Variants in GPC6 observed in about 807,000 individuals in gnomAD.
GPC6 encodes glypican-6.
Under a neutral mutation model 55.2 loss-of-function variants are expected in GPC6, and 14 were observed. That is an observed-to-expected ratio of 0.25 (90% CI 0.17 to 0.40). The LOEUF is 0.40. Ranked by LOEUF, GPC6 falls within the 10% of genes least tolerant of loss-of-function variation. GPC6 has a pLI of 1.00. For synonymous variants in GPC6, 278 were observed against 259.6 expected, an observed-to-expected ratio of 1.07 and a Z score of -0.68; for missense variants, 641 against 708.5, an observed-to-expected ratio of 0.90 and a Z score of 1.08.
intron 4 of GPC6, among the ~76,000 whole-genome samples, chr13:94,148,428 A>G (rs1017097535): frequency 6.6e-6 from 1 of 152,182 alleles, no homozygotes; most frequent in Non-Finnish European, 1.5e-5. Context: ...TGTCCTGAGG[A>G]TAGCAAATGG....
chr13:93,312,719 G>A (rs1333640013), intron 1 of GPC6, among the ~76,000 whole-genome samples: 1 of 152,154 alleles, frequency 6.6e-6, no homozygotes, highest in Non-Finnish European at 1.5e-5. Flanking sequence ...AGAATAATTG[G>A]TTTAGTTGAG....
intron 1 of GPC6, among the ~76,000 whole-genome samples, chr13:93,352,468 T>C (rs1016555664): frequency 3.3e-5 from 5 of 152,182 alleles, no homozygotes; most frequent in Admixed American, 1.3e-4. Flanking sequence ...CTTGGTAAAT[T>C]CTGGCCATTT....
At chr13:94,383,302 A>C (rs1036550212) in intron 7 of GPC6, among the ~76,000 whole-genome samples, 2 of 152,152 alleles carry the variant, frequency 1.3e-5, no homozygotes, top group Admixed American at 1.3e-4. Flanking sequence ...CAAGCGGGTA[A>C]AGTAGCTGGT....
chr13:94,390,203 C>A (rs1250209000), intron 7 of GPC6, among the ~76,000 whole-genome samples: 1 of 152,146 alleles, frequency 6.6e-6, no homozygotes, highest in African/African-American at 2.4e-5. Context: ...ACGATGATGG[C>A]AAATCTGTCA....
intron 1 of GPC6, among the ~76,000 whole-genome samples, chr13:93,320,477 A>G (rs902349787): frequency 6.6e-6 from 1 of 151,998 alleles, no homozygotes; most frequent in African/African-American, 2.4e-5. Context: ...GAATGTTTTG[A>G]GAGGAAACGA....
At chr13:93,650,097 A>G (rs530789384) in intron 2 of GPC6, among the ~76,000 whole-genome samples, 2 of 152,320 alleles carry the variant, frequency 1.3e-5, no homozygotes, top group African/African-American at 4.8e-5. Flanking sequence ...TACCAAATAC[A>G]TGGATCCTCA....
chr13:94,257,722 T>C (rs1006333317), intron 4 of GPC6, among the ~76,000 whole-genome samples: 3 of 152,178 alleles, frequency 2.0e-5, no homozygotes, highest in South Asian at 4.1e-4. Context: ...ATTTATTGAA[T>C]GGCAGAAATA....
intron 3 of GPC6, among the ~76,000 whole-genome samples, chr13:93,972,679 T>C (rs1366792906): frequency 6.6e-6 from 1 of 152,192 alleles, no homozygotes; most frequent in Non-Finnish European, 1.5e-5. Flanking sequence ...TAAGAGTTTG[T>C]GTCCTACTGC....
chr13:94,024,498 C>T (rs1882819161), intron 3 of GPC6, among the ~76,000 whole-genome samples: 1 of 152,078 alleles, frequency 6.6e-6, no homozygotes, highest in African/African-American at 2.4e-5. Flanking sequence ...CTTGTGTAAG[C>T]TCAAAAGATG....
At chr13:93,654,511 A>G (rs938368324) in intron 2 of GPC6, among the ~76,000 whole-genome samples, 10 of 152,092 alleles carry the variant, frequency 6.6e-5, no homozygotes, top group African/African-American at 2.2e-4. Context: ...TATTTTTAGT[A>G]GAGATGGGGT....
chr13:93,817,354 G>A (rs1419191110), intron 2 of GPC6, among the ~76,000 whole-genome samples: 1 of 151,690 alleles, frequency 6.6e-6, no homozygotes, highest in African/African-American at 2.4e-5. Context: ...TATCCTTCTT[G>A]TGAGATTTTC....
chr13:93,805,876 C>T (rs1190245330), intron 2 of GPC6, among the ~76,000 whole-genome samples: 1 of 152,046 alleles, frequency 6.6e-6, no homozygotes, highest in Non-Finnish European at 1.5e-5. Context: ...TTTTCTTTCC[C>T]TGTAGCCTAA....
At chr13:93,241,322 C>T (rs1455574425) in intron 1 of GPC6, among the ~76,000 whole-genome samples, 1 of 152,122 alleles carries the variant, frequency 6.6e-6, no homozygotes, top group Non-Finnish European at 1.5e-5. Context: ...TTGTTGGAGA[C>T]TGTATTCATT....
At chr13:93,772,259 C>T (rs777654630) in intron 2 of GPC6, among the ~76,000 whole-genome samples, 1 of 152,056 alleles carries the variant, frequency 6.6e-6, no homozygotes, top group Non-Finnish European at 1.5e-5. Context: ...AAGATATCGG[C>T]ATTGGTTAGG....
intron 3 of GPC6, among the ~76,000 whole-genome samples, chr13:93,853,489 A>C (rs1478611072): frequency 6.6e-6 from 1 of 151,662 alleles, no homozygotes; most frequent in Non-Finnish European, 1.5e-5. Context: ...ATTCAGGATA[A>C]ATTGTTCTAA....
At chr13:93,583,338 T>TTGTGTGTGTGTGTGTGTGTGTGTGTG (rs34034260) in intron 2 of GPC6, among the ~76,000 whole-genome samples, 4 of 151,456 alleles carry the variant, frequency 2.6e-5, no homozygotes, top group African/African-American at 7.3e-5. Flanking sequence ...GTAATGCACA[T>TTGTGTGTGTGTGTGTGTGTGTGTGTG]TGTGTGTGTG....
chr13:93,288,455 CT>C (rs1307760223), intron 1 of GPC6, among the ~76,000 whole-genome samples: 1 of 151,898 alleles, frequency 6.6e-6, no homozygotes, highest in Non-Finnish European at 1.5e-5. Flanking sequence ...TTAAAACTTT[CT>C]TTTTTTTCTT....
At position 93,774,161 on chromosome 13, in the gene GPC6, T is replaced by C. The variant is rs143609335; in HGVS notation, c.320-55993T>C. Among the ~76,000 whole-genome samples the C allele has an allele frequency of 1.5e-3, 225 of 152,278 alleles. 1 individual carries two copies. Among genetic ancestry groups the C allele is most frequent in the African/African-American group, 5.2e-3 (217 of 41,558 alleles). The stretch of plus-strand genomic sequence containing the variant: ...ACTGTTCCAGATATGTATAGACCAA[T>C]TTGCCAGCCAGGTGTCGTTTTTCCT... On this transcript the variant is annotated intron_variant, in intron 2 of 8. Transcript: ENST00000377047.
chr13:93,280,660 A>G (rs1265548490), intron 1 of GPC6, among the ~76,000 whole-genome samples: 2 of 152,256 alleles, frequency 1.3e-5, no homozygotes, highest in African/African-American at 4.8e-5. Context: ...GGAATGCCCT[A>G]CATAGGGCGC....
Sources: gnomAD v4.1 joint callset for allele counts (sites outside exome capture counted in the v4.1 genomes callset) on GRCh38, gnomAD v4.1.1 for gene constraint, MANE v1.5 for transcripts, NCBI Gene and HGNC (gene_info 2026-07-23, HGNC 2026-07-21) for gene names.